CDK8: variants seen among roughly 807,000 people sequenced by gnomAD.
CDK8 encodes cyclin-dependent kinase 8.
Under a neutral mutation model 71.5 loss-of-function variants are expected in CDK8, and 29 were observed. The ratio of observed to expected loss-of-function variants is 0.41; its 90% CI spans 0.30 to 0.55. The LOEUF (loss-of-function observed/expected upper bound fraction) is 0.55, where lower values mean the gene tolerates loss of function less well. CDK8 is among the 20% of genes least tolerant of loss of function. CDK8 has a pLI of 0.37. For missense variants in CDK8, 288 were observed against 572.6 expected (o/e 0.50, Z 5.07); for synonymous variants, 161 against 192.1 (o/e 0.84, Z 1.34).
chr13:26,269,204 T>C (rs1360407572), intron 1 of CDK8, among the ~76,000 whole-genome samples: 1 of 152,246 alleles, frequency 6.6e-6, no homozygotes, highest in Non-Finnish European at 1.5e-5. Flanking sequence ...GAAGAAACTT[T>C]TAAGTACTGC....
At chr13:26,321,956 C>T (rs1029917633) in intron 1 of CDK8, among the ~76,000 whole-genome samples, 3 of 152,032 alleles carry the variant, frequency 2.0e-5, no homozygotes, top group African/African-American at 4.8e-5. Flanking sequence ...AATTGCAGAG[C>T]GCATGTGGTG....
chr13:26,385,461 G>A, intron 6 of CDK8, 119 bp downstream of exon 6: 1 of 769,030 alleles, frequency 1.3e-6, no homozygotes. Flanking sequence ...CAGACTGAGT[G>A]TGATGGCTCA....
chr13:26,350,060 A>G (rs971279030), intron 3 of CDK8, among the ~76,000 whole-genome samples: 2 of 152,218 alleles, frequency 1.3e-5, no homozygotes, highest in Admixed American at 1.3e-4. Context: ...GCAGGAGGCT[A>G]TAACATATAG....
At chr13:26,273,435 A>G (rs1872423267) in intron 1 of CDK8, among the ~76,000 whole-genome samples, 1 of 152,176 alleles carries the variant, frequency 6.6e-6, no homozygotes, top group Non-Finnish European at 1.5e-5. Flanking sequence ...TTAGAAATGT[A>G]TGTCTAGTTC....
At chr13:26,300,479 G>A (rs1873774687) in intron 1 of CDK8, among the ~76,000 whole-genome samples, 1 of 152,104 alleles carries the variant, frequency 6.6e-6, no homozygotes, top group Non-Finnish European at 1.5e-5. Flanking sequence ...TTCAGACTGA[G>A]GTTGACCATA....
intron 9 of CDK8, 69 bp from the exon 10 acceptor site, chr13:26,400,384 C>T: frequency 1.1e-6 from 1 of 925,500 alleles, no homozygotes; most frequent in Non-Finnish European, 1.8e-6. Context: ...TATATATCGT[C>T]TTCACATATG....
At chr13:26,332,627 G>A (rs930892312) in intron 1 of CDK8, among the ~76,000 whole-genome samples, 1 of 152,072 alleles carries the variant, frequency 6.6e-6, no homozygotes, top group East Asian at 1.9e-4. Context: ...AATAAGAGTG[G>A]TGAAAGTGAG....
intron 6 of CDK8, among the ~76,000 whole-genome samples, chr13:26,388,955 C>G (rs1280600963): frequency 1.3e-5 from 2 of 152,250 alleles, no homozygotes; most frequent in East Asian, 3.9e-4. Context: ...GATTTACAGT[C>G]CAGTTGAGAA....
intron 2 of CDK8, among the ~76,000 whole-genome samples, chr13:26,338,340 A>G (rs1394370055): frequency 2.0e-5 from 3 of 152,070 alleles, no homozygotes; most frequent in African/African-American, 7.2e-5. Context: ...ATTTACCCAT[A>G]ATAGTCTATT....
At chr13:26,381,299 G>A (rs1875214407) in intron 4 of CDK8, among the ~76,000 whole-genome samples, 1 of 152,124 alleles carries the variant, frequency 6.6e-6, no homozygotes, top group African/African-American at 2.4e-5. Context: ...TCAGAAATCT[G>A]GCTTCTCTCT....
chr13:26,324,024 TA>T, intron 1 of CDK8, among the ~76,000 whole-genome samples: 1 of 152,338 alleles, frequency 6.6e-6, no homozygotes, highest in South Asian at 2.1e-4. Context: ...TGTGGAATAG[TA>T]ACCATTCCTC....
At position 26,254,457 on chromosome 13, in the gene CDK8, C is replaced by G. The variant is rs1871422406; in HGVS notation, c.-185C>G. The stretch of plus-strand genomic sequence containing the variant: ...CGGCCGGCCTCTGCCCCGCCGTCCC[C>G]CTGGATGTCCCTGGCGCTTTCGCGG... On this transcript the variant is annotated 5_prime_UTR_variant, in exon 1 of 13. Transcript: ENST00000381527. The surrounding 1 kb of genome is among the most constrained non-coding windows in gnomAD (Gnocchi z 6.7). 1.2e-5 allele frequency: 6 copies of G among 482,698 alleles called. No homozygotes were observed. In the South Asian group the frequency reaches 1.4e-4, roughly 12 times the overall value. The allele number at this position is 482,698 out of a possible 1,614,324, so 29.9% of individuals were successfully genotyped here. A position where few individuals can be genotyped will look rare whatever the true frequency, so the allele number is the denominator to read the frequency against.
chr13:26,380,710 G>T (rs1875182632), intron 4 of CDK8, among the ~76,000 whole-genome samples: 1 of 152,142 alleles, frequency 6.6e-6, no homozygotes, highest in Non-Finnish European at 1.5e-5. Context: ...TGAGCTCCTG[G>T]ACTCTGGCAG....
intron 1 of CDK8, among the ~76,000 whole-genome samples, chr13:26,298,482 C>A (rs772410559): frequency 9.9e-5 from 15 of 152,122 alleles, no homozygotes; most frequent in Non-Finnish European, 2.1e-4. Flanking sequence ...TTGCAAAGCT[C>A]TTTAATAACA....
chr13:26,338,569 C>T (rs1873084761), intron 2 of CDK8, among the ~76,000 whole-genome samples: 5 of 152,022 alleles, frequency 3.3e-5, no homozygotes, highest in South Asian at 4.2e-4. Context: ...GGTTTGGGAA[C>T]GAATGTAAGA....
At chr13:26,339,756 A>AAAAATAT (rs1555231154) in intron 2 of CDK8, among the ~76,000 whole-genome samples, 11 of 142,996 alleles carry the variant, frequency 7.7e-5, no homozygotes, top group African/African-American at 2.6e-4. Context: ...TTAAAAAAAA[A>AAAAATAT]ATATATATAT....
chr13:26,387,797 C>T (rs1276408917), intron 6 of CDK8, among the ~76,000 whole-genome samples: 1 of 152,148 alleles, frequency 6.6e-6, no homozygotes, highest in East Asian at 1.9e-4. Flanking sequence ...GAAAATAGTA[C>T]CTTTTCAGAG....
intron 1 of CDK8, among the ~76,000 whole-genome samples, chr13:26,321,096 C>G (rs952427409): frequency 6.6e-6 from 1 of 152,094 alleles, no homozygotes; most frequent in Non-Finnish European, 1.5e-5. Flanking sequence ...TATATAAATA[C>G]TGCATGATAA....
At chr13:26,267,749 C>T (rs1872088736) in intron 1 of CDK8, among the ~76,000 whole-genome samples, 1 of 152,152 alleles carries the variant, frequency 6.6e-6, no homozygotes. Flanking sequence ...AACAGAACTG[C>T]AATAAATGTC....
Sources: allele counts gnomAD v4.1 joint callset (sites outside exome capture counted in the v4.1 genomes callset), GRCh38; gene constraint gnomAD v4.1.1; non-coding constraint Gnocchi (gnomAD v3.1); transcripts MANE v1.5; gene names NCBI Gene and HGNC (gene_info 2026-07-23, HGNC 2026-07-21).